The following TENM2 variants were observed in gnomAD, a reference collection of about 807,000 sequenced individuals.
The protein encoded by TENM2 is teneurin transmembrane protein 2, also known as teneurin-2.
A neutral mutation model predicts 245.2 loss-of-function variants in TENM2; 52 were observed. The observed-to-expected ratio is 0.21, with a 90% CI of 0.17 to 0.27. The LOEUF (loss-of-function observed/expected upper bound fraction) is 0.27, where lower values mean the gene tolerates loss of function less well. TENM2 is among the 10% of genes least tolerant of loss of function. The probability of loss-of-function intolerance (pLI) is 1.00; values close to 1 mark genes in which losing one functional copy is unlikely to be tolerated. For missense variants in TENM2, 3,046 were observed against 3,666.8 expected (o/e 0.83, Z 4.37); for synonymous variants, 1,363 against 1,438.9 (o/e 0.95, Z 1.19).
intron 7 of TENM2, among the ~76,000 whole-genome samples, chr5:168,065,528 T>G (rs1790419447): frequency 1.3e-5 from 2 of 152,180 alleles, no homozygotes; most frequent in Non-Finnish European, 2.9e-5. Context: ...GAAAGCGCAA[T>G]AGAAAGCTAT....
intron 12 of TENM2, among the ~76,000 whole-genome samples, chr5:168,152,972 T>C (rs1245364980): frequency 6.6e-6 from 1 of 152,198 alleles, no homozygotes; most frequent in African/African-American, 2.4e-5. Flanking sequence ...GTGGGAAGCT[T>C]TTCCTTTTAC....
chr5:167,487,816 A>G (rs952080669), intron 2 of TENM2, among the ~76,000 whole-genome samples: 5 of 152,192 alleles, frequency 3.3e-5, no homozygotes, highest in African/African-American at 7.2e-5. Context: ...TGGGTTGCCA[A>G]TTTTGAGTTC....
At chr5:168,076,090 T>A (rs1194631899) in intron 7 of TENM2, among the ~76,000 whole-genome samples, 2 of 152,202 alleles carry the variant, frequency 1.3e-5, no homozygotes, top group Non-Finnish European at 2.9e-5. Context: ...TATTAGTGAG[T>A]AGATTTTCAA....
chr5:167,881,019 A>G (rs535700068), intron 3 of TENM2, among the ~76,000 whole-genome samples: 1 of 152,320 alleles, frequency 6.6e-6, no homozygotes, highest in African/African-American at 2.4e-5. Flanking sequence ...ACTTCAGGAC[A>G]GCCTCCCTCA....
chr5:167,934,807 G>A, intron 3 of TENM2: 2 of 965,884 alleles, frequency 2.1e-6, no homozygotes, highest in Non-Finnish European at 2.5e-6. Flanking sequence ...GGCCTGGCAT[G>A]TGTGTGCTCA....
At chr5:167,914,488 C>T (rs1339166334) in intron 3 of TENM2, among the ~76,000 whole-genome samples, 1 of 152,198 alleles carries the variant, frequency 6.6e-6, no homozygotes, top group South Asian at 2.1e-4. Flanking sequence ...ATTGGGTCCA[C>T]CCAGATAATC....
Position 167,372,346 on chromosome 5 carries a change from A to C in TENM2, c.227-2852A>C, listed in dbSNP as rs1760489234. 3.9e-5 allele frequency among the ~76,000 whole-genome samples: 6 copies of C among 152,172 alleles called. No homozygotes were observed. In the South Asian group the frequency reaches 1.2e-3, roughly 32 times the overall value. Reference sequence around the variant, plus strand: ...CTGAAGACCTCAAGTTTGTTTTCTCATAAAAATAAGATTTCAATTTCTTAT... The same window carrying C: ...CTGAAGACCTCAAGTTTGTTTTCTCCTAAAAATAAGATTTCAATTTCTTAT... On this transcript the variant is annotated intron_variant, in intron 1 of 28. Transcript: ENST00000518659.
rs760380341 is a variant in TENM2, at chr5:168,021,087, A to G, written c.1187-26340A>G. On this transcript the variant is annotated intron_variant, in intron 5 of 28. Coordinates refer to ENST00000518659, the Ensembl canonical transcript of TENM2. ...CAGGCTAGGAATCGTTTGTGGCACA[A>G]AAGTGGCACCTACTGGTAAGCCTTG... Among the ~76,000 whole-genome samples the G allele has an allele frequency of 4.6e-5, 7 of 152,234 alleles. No homozygotes were observed. The East Asian group carries it at 5.8e-4, about 13-fold the overall frequency.
chr5:167,644,597 CG>C (rs1320641175), intron 2 of TENM2, among the ~76,000 whole-genome samples: 2 of 152,128 alleles, frequency 1.3e-5, no homozygotes, highest in Non-Finnish European at 2.9e-5. Flanking sequence ...ATAAGATAAA[CG>C]CCTCATGACA....
chr5:167,418,206 G>A (rs534478616), intron 2 of TENM2, among the ~76,000 whole-genome samples: 2 of 152,104 alleles, frequency 1.3e-5, no homozygotes, highest in East Asian at 1.9e-4. Flanking sequence ...GCACATGCCT[G>A]TAATCCCAGC....
chr5:167,285,037 G>C, exon 1 of TENM2: 11 of 1,552,108 alleles, frequency 7.1e-6, no homozygotes, highest in Non-Finnish European at 9.6e-6. Flanking sequence ...CTCATCCACC[G>C]GGAGTCAGAT....
chr5:168,048,668 G>A (rs1358807696), intron 6 of TENM2, among the ~76,000 whole-genome samples: 1 of 152,172 alleles, frequency 6.6e-6, no homozygotes, highest in African/African-American at 2.4e-5. Context: ...TTTCCACAAA[G>A]AAGATTCCAG....
chr5:167,353,504 T>TTTTG (rs1759082129), intron 1 of TENM2, among the ~76,000 whole-genome samples: 1 of 100,542 alleles, frequency 9.9e-6, no homozygotes, highest in African/African-American at 4.7e-5. Context: ...GTTGTTGTTT[T>TTTTG]TTTTTTTTTT....
At chr5:167,260,804 G>T in the TENM2 span, among the ~76,000 whole-genome samples, 2 of 152,126 alleles carry the variant, frequency 1.3e-5, no homozygotes, top group Non-Finnish European at 2.9e-5. Flanking sequence ...ATTAGGATGT[G>T]GAAAGGAAAA....
At chr5:168,148,990 G>C (rs551998826) in intron 12 of TENM2, among the ~76,000 whole-genome samples, 1 of 152,128 alleles carries the variant, frequency 6.6e-6, no homozygotes, top group African/African-American at 2.4e-5. Context: ...GGCCTATAGG[G>C]TTAAAGAGAA....
At chr5:168,204,588 C>T (rs777249386) in exon 19 of TENM2, 1 of 1,613,992 alleles carries the variant, frequency 6.2e-7, no homozygotes, top group South Asian at 1.1e-5. Context: ...CGCATCTTTC[C>T]CTCTCGAAAT....
chr5:167,461,686 C>A (rs972119711), intron 2 of TENM2, among the ~76,000 whole-genome samples: 1 of 152,126 alleles, frequency 6.6e-6, no homozygotes, highest in Non-Finnish European at 1.5e-5. Context: ...GTCCTAAGCA[C>A]AATATTCTAA....
the TENM2 span, among the ~76,000 whole-genome samples, chr5:167,030,189 C>A: frequency 2.0e-5 from 3 of 152,192 alleles, no homozygotes; most frequent in African/African-American, 7.2e-5. Flanking sequence ...TACTTCTTCA[C>A]TGACCACCTT....
rs937615388 is a variant in TENM2 at position 168,030,592 on chromosome 5, C to T, written c.1187-16835C>T. Among the ~76,000 whole-genome samples the T allele has an allele frequency of 5.3e-5, 8 of 152,080 alleles. No individual in the cohort carries two copies. The East Asian group carries it at 7.7e-4, about 15-fold the overall frequency. ...TCTGGGAACTACAGCCCGAAACCAT[C>T]GGCCCAGACAGTGAGCTTTTTGAGG... On this transcript the variant is annotated intron_variant, in intron 5 of 28. Transcript: ENST00000518659.
Sources: allele counts gnomAD v4.1 joint callset (sites outside exome capture counted in the v4.1 genomes callset), GRCh38; gene constraint gnomAD v4.1.1; transcripts MANE v1.5; gene names NCBI Gene and HGNC (gene_info 2026-07-23, HGNC 2026-07-21).